Variants in DGKI observed in about 807,000 individuals in gnomAD.
The protein encoded by DGKI is diacylglycerol kinase iota.
In DGKI, 55 loss-of-function variants were observed where a neutral mutation model predicts 147.5. That is an observed-to-expected ratio of 0.37 (90% CI 0.30 to 0.47). The LOEUF is 0.47. Among genes scored for constraint, DGKI ranks in the 20% least tolerant of loss-of-function variants. DGKI has a pLI of 1.00. For synonymous variants in DGKI, 469 were observed against 477.1 expected, an observed-to-expected ratio of 0.98 and a Z score of 0.22; for missense variants, 1,007 against 1,323.8, an observed-to-expected ratio of 0.76 and a Z score of 3.71.
At chr7:137,466,085 T>G in intron 25 of DGKI, 50 bp from the exon 26 acceptor site, 1 of 1,600,042 alleles carries the variant, frequency 6.2e-7, no homozygotes, top group Non-Finnish European at 8.5e-7. Context: ...AAACAAGTAT[T>G]CTTGGTCTCG....
chr7:137,819,306 C>G (rs1451900219), intron 1 of DGKI, among the ~76,000 whole-genome samples: 1 of 140,516 alleles, frequency 7.1e-6, no homozygotes, highest in Non-Finnish European at 1.5e-5. Flanking sequence ...CTTCAGACTA[C>G]AAGGGAATTT....
intron 1 of DGKI, among the ~76,000 whole-genome samples, chr7:137,757,495 T>C (rs919284603): frequency 3.3e-5 from 5 of 152,174 alleles, no homozygotes; most frequent in African/African-American, 1.2e-4. Context: ...AGTCATCCAC[T>C]TTCATGCCCC....
intron 1 of DGKI, among the ~76,000 whole-genome samples, chr7:137,712,115 T>C (rs1424378634): frequency 6.6e-6 from 1 of 152,136 alleles, no homozygotes; most frequent in African/African-American, 2.4e-5. Flanking sequence ...ATACAAATAT[T>C]TGGTTAAATG....
intron 20 of DGKI, 130 bp downstream of exon 20, chr7:137,552,239 A>G: frequency 1.2e-6 from 1 of 851,188 alleles, no homozygotes; most frequent in East Asian, 2.6e-5. Context: ...GAGAGAAACC[A>G]AGGAACTACT....
chr7:137,621,677 A>G (rs1820752297), intron 7 of DGKI, among the ~76,000 whole-genome samples: 1 of 152,278 alleles, frequency 6.6e-6, no homozygotes, highest in East Asian at 1.9e-4. Context: ...GGAACTGACC[A>G]AAGCTCTACC....
chr7:137,464,116 G>T (rs1814557485), intron 26 of DGKI, among the ~76,000 whole-genome samples: 1 of 151,954 alleles, frequency 6.6e-6, no homozygotes. Flanking sequence ...AATTAGCCAG[G>T]CGTGGTGGCA....
chr7:137,771,577 T>C (rs1206306162), intron 1 of DGKI: 1 of 152,150 alleles, frequency 6.6e-6, no homozygotes, highest in South Asian at 2.1e-4. Context: ...AAGGAATAAA[T>C]AGATACCAAT....
chr7:137,502,057 C>T (rs1460103916), intron 21 of DGKI, among the ~76,000 whole-genome samples: 1 of 152,194 alleles, frequency 6.6e-6, no homozygotes, highest in Non-Finnish European at 1.5e-5. Flanking sequence ...TCCCCCTTGC[C>T]TTCCCCCATG....
At chr7:137,732,880 T>TC (rs543842889) in intron 1 of DGKI, among the ~76,000 whole-genome samples, 2 of 151,024 alleles carry the variant, frequency 1.3e-5, no homozygotes, top group African/African-American at 2.4e-5. Flanking sequence ...CATTCTGAGA[T>TC]CCCCCCCATT....
intron 1 of DGKI, among the ~76,000 whole-genome samples, chr7:137,824,884 C>T (rs1055112195): frequency 3.9e-5 from 6 of 152,174 alleles, no homozygotes; most frequent in Non-Finnish European, 8.8e-5. Flanking sequence ...GCAAAGAACA[C>T]GATCTCATCC....
At chr7:137,748,342 T>C (rs1401407555) in intron 1 of DGKI, among the ~76,000 whole-genome samples, 3 of 151,304 alleles carry the variant, frequency 2.0e-5, no homozygotes, top group African/African-American at 7.3e-5. Context: ...AACACATCTA[T>C]TGTGGTTAAA....
At chr7:137,432,050 A>T (rs1813096783) in intron 28 of DGKI, among the ~76,000 whole-genome samples, 1 of 152,164 alleles carries the variant, frequency 6.6e-6, no homozygotes, top group Admixed American at 6.5e-5. Context: ...GTTTAAAAGT[A>T]TGTGGGGCAC....
chr7:137,485,900 G>A (rs1284953136), intron 22 of DGKI, among the ~76,000 whole-genome samples: 5 of 152,010 alleles, frequency 3.3e-5, no homozygotes. Flanking sequence ...GGTTTTCATA[G>A]ACTACAAAGA....
chr7:137,680,588 T>C (rs2116404061), intron 2 of DGKI, among the ~76,000 whole-genome samples: 1 of 152,236 alleles, frequency 6.6e-6, no homozygotes, highest in African/African-American at 2.4e-5. Flanking sequence ...GAGACCAGCC[T>C]GGACAACATG....
intron 32 of DGKI, among the ~76,000 whole-genome samples, chr7:137,394,128 T>A (rs974957102): frequency 2.7e-4 from 41 of 152,138 alleles, no homozygotes; most frequent in African/African-American, 9.9e-4. Context: ...TCCTGGAGTC[T>A]ACCGAGAGTG....
chr7:137,655,147 T>C (rs1002927798), intron 4 of DGKI, among the ~76,000 whole-genome samples: 2 of 151,874 alleles, frequency 1.3e-5, no homozygotes, highest in Non-Finnish European at 2.9e-5. Context: ...GTAGAAAATA[T>C]AAACTTGAGT....
At chr7:137,819,446 G>C (rs927508049) in intron 1 of DGKI, among the ~76,000 whole-genome samples, 1 of 152,018 alleles carries the variant, frequency 6.6e-6, no homozygotes, top group Non-Finnish European at 1.5e-5. Context: ...GAGTAGCTGG[G>C]AATACAGGCG....
At chr7:137,580,132 T>C (rs1819138261) in intron 15 of DGKI, among the ~76,000 whole-genome samples, 1 of 152,142 alleles carries the variant, frequency 6.6e-6, no homozygotes, top group African/African-American at 2.4e-5. Context: ...TGGCCACTTA[T>C]TCATTTAGAC....
intron 6 of DGKI, among the ~76,000 whole-genome samples, chr7:137,638,095 C>A (rs1821377463): frequency 6.6e-6 from 1 of 152,066 alleles, no homozygotes; most frequent in African/African-American, 2.4e-5. Context: ...TTCCCTTACC[C>A]CTTTCCAAGC....
Sources: allele counts gnomAD v4.1 joint callset (sites outside exome capture counted in the v4.1 genomes callset), GRCh38; gene constraint gnomAD v4.1.1; transcripts MANE v1.5; gene names NCBI Gene and HGNC (gene_info 2026-07-23, HGNC 2026-07-21).